Variants in AFG2B observed in about 807,000 individuals in gnomAD.
AFG2B encodes the protein ATPase family gene 2 protein homolog B.
At chr15:45,402,927 C>A in the AFG2B span, 1 of 1,598,092 alleles carries the variant, frequency 6.3e-7, no homozygotes, top group South Asian at 1.1e-5. Flanking sequence ...TGCACATCGT[C>A]GGCGGGACGC....
the AFG2B span, chr15:45,414,461 C>CAGCTCATAATAGCTCATAAT: frequency 2.6e-5 from 26 of 986,672 alleles, no homozygotes; most frequent in Non-Finnish European, 6.1e-6. Context: ...GGACTGTTTC[C>CAGCTCATAATAGCTCATAAT]AGCTCATAAT....
chr15:45,412,516 C>T, the AFG2B span, among the ~76,000 whole-genome samples: 67 of 152,330 alleles, frequency 4.4e-4, no homozygotes, highest in African/African-American at 1.5e-3. Context: ...CTCACCTCTG[C>T]CGTTGTAGCA....
chr15:45,417,364 G>T, the AFG2B span: 1 of 1,614,054 alleles, frequency 6.2e-7, no homozygotes, highest in Non-Finnish European at 8.5e-7. Context: ...TGGAAGATTA[G>T]ATAAGATCAT....
the AFG2B span, among the ~76,000 whole-genome samples, chr15:45,413,560 C>T: frequency 6.6e-6 from 1 of 152,214 alleles, no homozygotes; most frequent in African/African-American, 2.4e-5. Flanking sequence ...AAATATCCAT[C>T]CCTTCCACAC....
At chr15:45,416,023 A>C in the AFG2B span, 1 of 327,162 alleles carries the variant, frequency 3.1e-6, no homozygotes, top group African/African-American at 2.2e-5. Flanking sequence ...TAAGAATGTG[A>C]ATTTTATTTT....
At chr15:45,407,277 C>T in the AFG2B span, 20 of 1,165,272 alleles carry the variant, frequency 1.7e-5, no homozygotes, top group South Asian at 3.2e-4. Context: ...CTGCTGCTAC[C>T]TCTCCCTGTA....
the AFG2B span, among the ~76,000 whole-genome samples, chr15:45,412,100 A>G: frequency 2.0e-5 from 3 of 151,260 alleles, no homozygotes; most frequent in Non-Finnish European, 4.4e-5. Context: ...CTCCATCTCA[A>G]AAAAACAAAA....
At chr15:45,417,101 C>CATTCT in the AFG2B span, 1 of 691,806 alleles carries the variant, frequency 1.4e-6, no homozygotes, top group East Asian at 2.9e-5. Context: ...TGATTTGTTT[C>CATTCT]TGGGATATCT....
At chr15:45,404,668 C>T in the AFG2B span, among the ~76,000 whole-genome samples, 7 of 151,936 alleles carry the variant, frequency 4.6e-5, no homozygotes, top group Admixed American at 2.6e-4. Flanking sequence ...ATAAGCCGGG[C>T]ATGGTGGCAC....
the AFG2B span, chr15:45,410,640 G>A: frequency 1.0e-6 from 1 of 973,820 alleles, no homozygotes; most frequent in African/African-American, 1.7e-5. Context: ...TCACTAATGT[G>A]ATCCTAACAT....
the AFG2B span, chr15:45,402,963 C>G: frequency 6.3e-7 from 1 of 1,596,470 alleles, no homozygotes; most frequent in Non-Finnish European, 8.5e-7. Context: ...CTGGGCTGGT[C>G]ACCCCTCGTA....
the AFG2B span, chr15:45,410,312 A>AG: frequency 6.4e-7 from 1 of 1,570,116 alleles, no homozygotes; most frequent in East Asian, 2.3e-5. Context: ...AAATTGTGCT[A>AG]TAAAAAAAGA....
At chr15:45,410,042 G>A in the AFG2B span, among the ~76,000 whole-genome samples, 1 of 152,212 alleles carries the variant, frequency 6.6e-6, no homozygotes, top group Non-Finnish European at 1.5e-5. Flanking sequence ...TAGTTGACAT[G>A]AAAAGCTCTC....
chr15:45,418,155 C>T, the AFG2B span, among the ~76,000 whole-genome samples: 1 of 151,742 alleles, frequency 6.6e-6, no homozygotes, highest in Non-Finnish European at 1.5e-5. Context: ...ACTAGCCTGG[C>T]CAACATGGTG....
chr15:45,403,296 C>G, the AFG2B span: 1 of 1,590,850 alleles, frequency 6.3e-7, no homozygotes, highest in Non-Finnish European at 8.5e-7. Context: ...TCCAGCGCGC[C>G]CGGGAACTGG....
the AFG2B span, chr15:45,415,466 C>A: frequency 2.3e-6 from 2 of 865,214 alleles, no homozygotes; most frequent in Non-Finnish European, 1.7e-6. Flanking sequence ...TCACTACACT[C>A]CAAACTGAGC....
chr15:45,402,770 C>T, the AFG2B span: 6 of 1,584,774 alleles, frequency 3.8e-6, no homozygotes, highest in Non-Finnish European at 5.1e-6. Context: ...GCCGTGTGGC[C>T]GGTGTTGCGA....
chr15:45,403,249 C>G, the AFG2B span: 10 of 1,564,418 alleles, frequency 6.4e-6, no homozygotes, highest in Non-Finnish European at 8.6e-6. Flanking sequence ...GCAGGGTTCC[C>G]GGCCTGGGGA....
At chr15:45,418,492 A>C in the AFG2B span, 1 of 1,480,182 alleles carries the variant, frequency 6.8e-7, no homozygotes, top group African/African-American at 1.4e-5. Context: ...AAAATATTTT[A>C]ATAAATCATT....
Sources: gnomAD v4.1 joint callset for allele counts (sites outside exome capture counted in the v4.1 genomes callset) on GRCh38, gnomAD v4.1.1 for gene constraint, MANE v1.5 for transcripts, NCBI Gene and HGNC (gene_info 2026-07-23, HGNC 2026-07-21) for gene names.